ADAMTS6: variants seen among roughly 807,000 people sequenced by gnomAD.
ADAMTS6 encodes the protein ADAM metallopeptidase with thrombospondin type 1 motif 6.
In ADAMTS6, 23 loss-of-function variants were observed where a neutral mutation model predicts 144.3. The observed-to-expected ratio is 0.16, with a 90% CI of 0.11 to 0.23. The LOEUF is 0.23. Ranked by LOEUF, ADAMTS6 falls within the 10% of genes least tolerant of loss-of-function variation. The pLI is 1.00. For synonymous variants in ADAMTS6, 444 were observed against 457.5 expected, an observed-to-expected ratio of 0.97 and a Z score of 0.38; for missense variants, 999 against 1,379.6, an observed-to-expected ratio of 0.72 and a Z score of 4.37.
In ADAMTS6 at chr5:65,206,836, TCTCACA is replaced by T. The variant is rs1422835341; in HGVS notation, c.2575+7952_2575+7957del. ...TGTTTTTTTTCTCTCTCTCTCTCTC[TCTCACA>T]CACACACACACACACACACACACAC... On this transcript the variant is annotated intron_variant, in intron 20 of 24. Coordinates refer to ENST00000381055, the MANE Select transcript of ADAMTS6 (RefSeq NM_197941.4). 5.1e-3 allele frequency among the ~76,000 whole-genome samples: 540 copies of T among 105,546 alleles called. 3 individuals carry two copies. Among genetic ancestry groups the T allele is most frequent in the African/African-American group, 0.022 (505 of 22,870 alleles). The allele number at this position is 105,546 out of a possible 152,430, so 69.2% of individuals were successfully genotyped here.
chr5:65,261,586 A>G (rs1761202574), intron 13 of ADAMTS6, among the ~76,000 whole-genome samples: 1 of 152,218 alleles, frequency 6.6e-6, no homozygotes, highest in Non-Finnish European at 1.5e-5. Context: ...GGGATCATTA[A>G]AGCTACATTT....
intron 7 of ADAMTS6, among the ~76,000 whole-genome samples, chr5:65,359,122 T>C (rs1580483776): frequency 6.6e-6 from 1 of 152,100 alleles, no homozygotes; most frequent in African/African-American, 2.4e-5. Context: ...TTGTAAACCA[T>C]ATATTTCATC....
chr5:65,430,482 A>T (rs1404596605), intron 7 of ADAMTS6, among the ~76,000 whole-genome samples: 2 of 152,186 alleles, frequency 1.3e-5, no homozygotes, highest in Non-Finnish European at 2.9e-5. Flanking sequence ...AAAACCAAGC[A>T]GGACACTACT....
chr5:65,251,038 A>G (rs1760115607), intron 14 of ADAMTS6: 1 of 152,204 alleles, frequency 6.6e-6, no homozygotes, highest in African/African-American at 2.4e-5. Context: ...AGGTCATTTG[A>G]ATGAAAAATT....
intron 14 of ADAMTS6, among the ~76,000 whole-genome samples, chr5:65,249,806 T>C (rs11749052): frequency 0.17 from 25,605 of 152,154 alleles, 2,648 homozygotes; most frequent in African/African-American, 0.29. Context: ...ACACTGTTCA[T>C]CAATGGATCA....
chr5:65,225,139 T>C lies in ADAMTS6; in HGVS notation c.2068-92A>G, dbSNP rs1177802404. 1.5e-4 allele frequency: 197 copies of C among 1,356,760 alleles called. 1 individual carries two copies. Among genetic ancestry groups the C allele is most frequent in the Non-Finnish European group, 7.8e-6 (8 of 1,025,926 alleles). 84.0% of individuals were successfully genotyped at this position (1,356,760 alleles called of 1,614,324 possible). A position where few individuals can be genotyped will look rare whatever the true frequency, so the allele number is the denominator to read the frequency against. On this transcript the variant is annotated intron_variant, in intron 16 of 24. Transcript: ENST00000381055. ...CATATAACTTATTTATTTGCTTGTT[T>C]TTCCAGTAAAGAAAAGAAAAATAAG... is the stretch of plus-strand genomic sequence containing the variant.
rs1753556840 is a variant in ADAMTS6 at position 65,170,621 on chromosome 5, A to T, written c.3240T>A (p.Thr1080=). The T allele has an allele frequency of 2.5e-6, 4 of 1,613,962 alleles. No homozygotes were observed. The highest frequency in any genetic ancestry group is 3.4e-6 in the Non-Finnish European group (4 of 1,179,948). Residue 1080 remains threonine (T), a synonymous_variant, in exon 24 of 25, where the codon ACT becomes ACA. Coordinates refer to ENST00000381055, the MANE Select transcript of ADAMTS6 (RefSeq NM_197941.4). Reference sequence around the variant, plus strand: ...CCTCCTCCATGGAAAACTCACCTTCAGTATTAGAAATGGGGGTACTGTCAC... The same window carrying T: ...CCTCCTCCATGGAAAACTCACCTTCTGTATTAGAAATGGGGGTACTGTCAC... The part of the protein sequence containing the change: ...SKCDSTPISN[T]EECKDVNKVA...
intron 11 of ADAMTS6, 152 bp downstream of exon 11, chr5:65,291,177 C>T: frequency 1.2e-6 from 1 of 811,132 alleles, no homozygotes; most frequent in Non-Finnish European, 1.8e-6. Context: ...AAATATTGTA[C>T]ATATGATGTC....
intron 20 of ADAMTS6, among the ~76,000 whole-genome samples, chr5:65,201,115 GT>G (rs1755710067): frequency 1.3e-5 from 2 of 152,256 alleles, no homozygotes; most frequent in South Asian, 4.1e-4. Context: ...TTTTTATACA[GT>G]ATGTACCAAA....
intron 7 of ADAMTS6, among the ~76,000 whole-genome samples, chr5:65,367,501 A>G (rs1013613895): frequency 7.9e-5 from 12 of 152,202 alleles, no homozygotes; most frequent in African/African-American, 2.7e-4. Flanking sequence ...TCAGCTATCT[A>G]GTCCTCTCTG....
At chr5:65,374,873 C>G (rs1477889239) in intron 7 of ADAMTS6, among the ~76,000 whole-genome samples, 1 of 152,158 alleles carries the variant, frequency 6.6e-6, no homozygotes, top group Non-Finnish European at 1.5e-5. Context: ...TACAAGGCTA[C>G]AGTAACCAAC....
At chr5:65,460,600 G>A (rs991606452) in intron 3 of ADAMTS6, among the ~76,000 whole-genome samples, 3 of 152,124 alleles carry the variant, frequency 2.0e-5, no homozygotes, top group African/African-American at 4.8e-5. Flanking sequence ...ATCTCACAAC[G>A]ACTCTGTGAG....
chr5:65,452,780 A>G lies in ADAMTS6; in HGVS notation c.770T>C (p.Val257Ala). Residue 257 changes from valine to alanine, a missense_variant, in exon 5 of 25, where the codon GTG becomes GCG. This residue lies in a region of ADAMTS6 where 128 missense variants were observed against 249.0 expected (regional missense o/e 0.51). Coordinates refer to ENST00000381055, the MANE Select transcript of ADAMTS6 (RefSeq NM_197941.4). ...GTAGCCCACCATCATTTTGTCTGCCACTACCAATGTCTCCACAAACCGTTC... is the reference window on the plus strand; with the variant it reads ...GTAGCCCACCATCATTTTGTCTGCCGCTACCAATGTCTCCACAAACCGTTC... ...SIERFVETLV[V>A]ADKMMVGYHG... is the part of the protein sequence containing the mutation. 6.2e-7 allele frequency: 1 copy of G among 1,614,126 alleles called. No individual in the cohort carries two copies. The highest frequency in any genetic ancestry group is 8.5e-7 in the Non-Finnish European group (1 of 1,179,964).
chr5:65,335,968 C>T (rs1747267625), intron 7 of ADAMTS6, among the ~76,000 whole-genome samples: 3 of 151,746 alleles, frequency 2.0e-5, no homozygotes. Flanking sequence ...TAAAAGCATT[C>T]CAAGAAAAGA....
At chr5:65,190,966 C>T (rs894009024) in intron 21 of ADAMTS6, among the ~76,000 whole-genome samples, 5 of 152,052 alleles carry the variant, frequency 3.3e-5, no homozygotes, top group African/African-American at 1.2e-4. Context: ...TACTGCTTTC[C>T]CTTGTCTTCC....
intron 20 of ADAMTS6, among the ~76,000 whole-genome samples, chr5:65,209,289 G>A (rs186047251): frequency 3.9e-5 from 6 of 152,212 alleles, no homozygotes; most frequent in East Asian, 3.9e-4. Context: ...ATATAAATTC[G>A]GGAGTCAGTA....
chr5:65,173,598 G>A (rs1753760197), intron 22 of ADAMTS6, among the ~76,000 whole-genome samples: 1 of 152,180 alleles, frequency 6.6e-6, no homozygotes, highest in African/African-American at 2.4e-5. Context: ...CATACTGAGG[G>A]AAGGATGTTT....
chr5:65,239,264 A>AT (rs35383062), intron 15 of ADAMTS6, among the ~76,000 whole-genome samples: 4 of 26,512 alleles, frequency 1.5e-4, no homozygotes, highest in Admixed American at 3.6e-4. Context: ...CTTAATGTAT[A>AT]AAAAAAAAAA....
At chr5:65,465,695 G>T (rs551224417) in intron 3 of ADAMTS6, among the ~76,000 whole-genome samples, 2 of 152,150 alleles carry the variant, frequency 1.3e-5, no homozygotes, top group Non-Finnish European at 2.9e-5. Context: ...AATGCAATTT[G>T]CAGTGCTACT....
Sources: allele counts gnomAD v4.1 joint callset (sites outside exome capture counted in the v4.1 genomes callset), GRCh38; gene constraint gnomAD v4.1.1; regional missense constraint gnomAD v4.1.1; transcripts MANE v1.5; gene names NCBI Gene and HGNC (gene_info 2026-07-23, HGNC 2026-07-21).